Variants in HMCN1 observed in about 807,000 individuals in gnomAD.
HMCN1 encodes the protein hemicentin 1.
Under a neutral mutation model 625.9 loss-of-function variants are expected in HMCN1, and 321 were observed. The observed-to-expected ratio is 0.51, with a 90% CI of 0.47 to 0.56. The LOEUF is 0.56. HMCN1 is among the 20% of genes least tolerant of loss of function. HMCN1 has a pLI of 0.00. For synonymous variants in HMCN1, 2,425 were observed against 2,417.6 expected, an observed-to-expected ratio of 1.00 and a Z score of -0.09; for missense variants, 6,588 against 6,887.3, an observed-to-expected ratio of 0.96 and a Z score of 1.54.
chr1:185,825,372 A>G (rs1022849930), intron 1 of HMCN1, among the ~76,000 whole-genome samples: 1 of 152,148 alleles, frequency 6.6e-6, no homozygotes, highest in South Asian at 2.1e-4. Flanking sequence ...ATTTAATAAA[A>G]CTTTATTTTG....
In HMCN1 at chr1:186,018,170, C is replaced by T. The variant is rs760914674; in HGVS notation, c.5301-13C>T. The stretch of plus-strand genomic sequence containing the variant: ...AAATATTTATCCAGACTTCCTTTTG[C>T]CTTTTTCTATAGGTGGCTGAAGGAT... On this transcript the variant is annotated splice_polypyrimidine_tract_variant and intron_variant, in intron 33 of 106. Transcript: ENST00000271588. 13 of 1,608,044 alleles carry T rather than the reference C, an allele frequency of 8.1e-6. No individual in the cohort carries two copies. The highest frequency in any genetic ancestry group is 8.0e-5 in the African/African-American group (6 of 74,710).
At chr1:185,958,081 G>A (rs187939799) in intron 11 of HMCN1, among the ~76,000 whole-genome samples, 51 of 152,144 alleles carry the variant, frequency 3.4e-4, no homozygotes, top group Admixed American at 2.8e-3. Flanking sequence ...TTTATAAATA[G>A]GGTATATAAT....
intron 11 of HMCN1, among the ~76,000 whole-genome samples, chr1:185,938,362 C>T (rs1558078633): frequency 6.6e-6 from 1 of 152,058 alleles, no homozygotes; most frequent in Non-Finnish European, 1.5e-5. Context: ...ATGACTAAAC[C>T]CATTGTAAAC....
At chr1:185,971,805 A>G (rs914518025) in intron 15 of HMCN1, among the ~76,000 whole-genome samples, 1 of 152,072 alleles carries the variant, frequency 6.6e-6, no homozygotes. Context: ...ATTCTTGGTG[A>G]TTATGCCCTT....
chr1:185,914,062 C>T (rs1666570502), intron 6 of HMCN1, among the ~76,000 whole-genome samples: 1 of 152,090 alleles, frequency 6.6e-6, no homozygotes, highest in South Asian at 2.1e-4. Flanking sequence ...GCCTCCAGCT[C>T]AGATTTACAG....
At chr1:185,893,145 G>A (rs544562984) in intron 4 of HMCN1, among the ~76,000 whole-genome samples, 1 of 152,238 alleles carries the variant, frequency 6.6e-6, no homozygotes, top group African/African-American at 2.4e-5. Flanking sequence ...TCCTGAGTGA[G>A]GCAATGCCTC....
chr1:185,917,371 A>G (rs896577490), intron 6 of HMCN1, among the ~76,000 whole-genome samples: 1 of 152,186 alleles, frequency 6.6e-6, no homozygotes, highest in Admixed American at 6.5e-5. Flanking sequence ...GTACCTGAGA[A>G]AGGCGTTGAA....
chr1:185,800,088 T>TG (rs1232749329), intron 1 of HMCN1, among the ~76,000 whole-genome samples: 1 of 152,154 alleles, frequency 6.6e-6, no homozygotes, highest in Admixed American at 6.5e-5. Flanking sequence ...AGAGCCCACA[T>TG]GGAGAAAGAG....
At chr1:186,050,252 G>T (rs527827801) in intron 42 of HMCN1, among the ~76,000 whole-genome samples, 3 of 151,904 alleles carry the variant, frequency 2.0e-5, no homozygotes, top group Non-Finnish European at 2.9e-5. Flanking sequence ...TGCAATATTT[G>T]AGGTACCTGT....
intron 1 of HMCN1, among the ~76,000 whole-genome samples, chr1:185,828,379 T>C (rs1660653320): frequency 6.6e-6 from 1 of 152,094 alleles, no homozygotes; most frequent in Non-Finnish European, 1.5e-5. Context: ...GATTGAGACA[T>C]TCACAGTGAA....
intron 19 of HMCN1, among the ~76,000 whole-genome samples, chr1:185,985,078 G>A (rs1651919191): frequency 6.6e-6 from 1 of 152,174 alleles, no homozygotes. Context: ...GGAGAGTCCA[G>A]TAGTTTTCCA....
Position 186,113,896 on chromosome 1 carries a change from A to T in HMCN1, c.11132-83A>T. The T allele has an allele frequency of 2.7e-6, 4 of 1,463,198 alleles. No individual in the cohort carries two copies. The South Asian group carries it at 3.4e-5, about 13-fold the overall frequency. The allele number at this position is 1,463,198 out of a possible 1,614,324, so 90.6% of individuals were successfully genotyped here. ...AAGCTATACATTTGACTCGAAGCTC[A>T]TCTTATATTACATCTTCAGGGTCTT... is the stretch of plus-strand genomic sequence containing the variant. On this transcript the variant is annotated intron_variant, in intron 72 of 106. Coordinates refer to ENST00000271588, the MANE Select transcript of HMCN1 (RefSeq NM_031935.3).
At chr1:185,955,637 T>C (rs562797079) in intron 11 of HMCN1, among the ~76,000 whole-genome samples, 1 of 152,318 alleles carries the variant, frequency 6.6e-6, no homozygotes, top group South Asian at 2.1e-4. Context: ...GGCAGGTAAT[T>C]TTGGGTATCT....
At chr1:186,138,556 G>T (rs1177830584) in intron 89 of HMCN1, among the ~76,000 whole-genome samples, 1 of 152,122 alleles carries the variant, frequency 6.6e-6, no homozygotes, top group Non-Finnish European at 1.5e-5. Context: ...GCTTTTACTA[G>T]CATGTTTTCC....
intron 89 of HMCN1, among the ~76,000 whole-genome samples, chr1:186,141,268 G>A (rs574281360): frequency 2.8e-4 from 43 of 152,262 alleles, no homozygotes; most frequent in Admixed American, 9.8e-4. Context: ...CAAGCGATCC[G>A]TGGCCCATGG....
intron 8 of HMCN1, 73 bp downstream of exon 8, chr1:185,923,726 C>T (rs1017816574): frequency 2.0e-5 from 25 of 1,226,954 alleles, no homozygotes; most frequent in Middle Eastern, 2.3e-4. Context: ...AGGTAAATAA[C>T]GGACTATCAA....
At position 186,074,973 on chromosome 1, in the gene HMCN1, CAG is replaced by C. The variant is rs1200922674; in HGVS notation, c.8290+83_8290+84del. 24 of 1,210,678 alleles carry C rather than the reference CAG, an allele frequency of 2.0e-5. No individual in the cohort carries two copies. The Admixed American group carries it at 2.6e-4, about 13-fold the overall frequency. The allele number at this position is 1,210,678 out of a possible 1,614,324, so 75.0% of individuals were successfully genotyped here. A position where few individuals can be genotyped will look rare whatever the true frequency, so the allele number is the denominator to read the frequency against. On this transcript the variant is annotated intron_variant, in intron 53 of 106. Transcript: ENST00000271588. Reference sequence around the variant, plus strand: ...GAAAAGAGATTTGACTTATTTTAAACAGTGTTTTTTTCTGTTGACAATAATAT... The same window carrying C: ...GAAAAGAGATTTGACTTATTTTAAACTGTTTTTTTCTGTTGACAATAATAT...
At chr1:186,151,022 T>C (rs1417313916) in intron 93 of HMCN1, among the ~76,000 whole-genome samples, 178 bp from the exon 94 acceptor site, 2 of 152,188 alleles carry the variant, frequency 1.3e-5, no homozygotes, top group East Asian at 1.9e-4. Flanking sequence ...ATGGTTGTTA[T>C]GTGAAAGTAG....
At chr1:186,067,786 A>G (rs1177948182) in intron 49 of HMCN1, 48 bp from the exon 50 acceptor site, 8 of 1,318,198 alleles carry the variant, frequency 6.1e-6, no homozygotes, top group Non-Finnish European at 8.8e-6. Flanking sequence ...ATGCACAAAT[A>G]TACAAATTTC....
Sources: gnomAD v4.1 joint callset for allele counts (sites outside exome capture counted in the v4.1 genomes callset) on GRCh38, gnomAD v4.1.1 for gene constraint, MANE v1.5 for transcripts, NCBI Gene and HGNC (gene_info 2026-07-23, HGNC 2026-07-21) for gene names.